IDE: variants seen among roughly 807,000 people sequenced by gnomAD.
IDE encodes the protein insulin-degrading enzyme.
IDE carries 58 observed loss-of-function variants against 133.2 expected under a neutral mutation model. The ratio of observed to expected loss-of-function variants is 0.44; its 90% CI spans 0.35 to 0.54. The LOEUF is 0.54. IDE is among the 20% of genes least tolerant of loss of function. The pLI, the probability that IDE is intolerant of heterozygous loss-of-function variation, is 0.00. For missense variants in IDE, 981 were observed against 1,234.0 expected (o/e 0.79, Z 3.07); for synonymous variants, 396 against 421.3 (o/e 0.94, Z 0.73).
Position 92,516,128 on chromosome 10 carries a change from C to G in IDE, c.662-1086G>C, listed in dbSNP as rs190343449. Reference sequence around the variant, plus strand: ...AAGTTGCGGTGAGCCGAAATCACGCCGAGTCAAGATTGTGCCATTGCACTC... The same window carrying G: ...AAGTTGCGGTGAGCCGAAATCACGCGGAGTCAAGATTGTGCCATTGCACTC... On this transcript the variant is annotated intron_variant, in intron 4 of 24. Transcript: ENST00000265986. Among the ~76,000 whole-genome samples the G allele has an allele frequency of 2.7e-5, 4 of 150,282 alleles. No individual in the cohort carries two copies. In the East Asian group the frequency reaches 8.1e-4, roughly 30 times the overall value.
chr10:92,494,974 T>A (rs1847595773), intron 11 of IDE, among the ~76,000 whole-genome samples: 1 of 152,222 alleles, frequency 6.6e-6, no homozygotes, highest in Admixed American at 6.5e-5. Context: ...ATACTCTGAA[T>A]CACTTTCTTT....
rs1843939014 is a variant in IDE, at chr10:92,574,079, C to G, written c.-60G>C. Reference sequence around the variant, plus strand: ...TTCCTGCTTGCGCTTCGAGCCGGCCCTGCGCACTGCGCATGCTCTAGCCGC... The same window carrying G: ...TTCCTGCTTGCGCTTCGAGCCGGCCGTGCGCACTGCGCATGCTCTAGCCGC... On this transcript the variant is annotated 5_prime_UTR_variant, in exon 1 of 25. Coordinates refer to ENST00000265986, the MANE Select transcript of IDE (RefSeq NM_004969.4). 3.1e-6 allele frequency: 4 copies of G among 1,307,828 alleles called. No individual in the cohort carries two copies. Among genetic ancestry groups the G allele is most frequent in the South Asian group, 1.4e-5 (1 of 73,440 alleles). 81.0% of individuals were successfully genotyped at this position (1,307,828 alleles called of 1,614,324 possible).
rs1322844097 is a variant in IDE at position 92,490,609 on chromosome 10, A to G, written c.1431-14T>C. ...ACTATGGCAACCCTAGAGATAGAAA[A>G]AACAAACAAAAAAACCCTGTAAACT... On this transcript the variant is annotated splice_polypyrimidine_tract_variant and intron_variant, in intron 11 of 24. Coordinates refer to ENST00000265986, the MANE Select transcript of IDE (RefSeq NM_004969.4). 5 of 1,496,382 alleles carry G rather than the reference A, an allele frequency of 3.3e-6. No individual in the cohort carries two copies. In the Admixed American group the frequency reaches 8.7e-5, roughly 26 times the overall value. 92.7% of individuals were successfully genotyped at this position (1,496,382 alleles called of 1,614,324 possible). A position where few individuals can be genotyped will look rare whatever the true frequency, so the allele number is the denominator to read the frequency against.
At chr10:92,458,131 T>C (rs1322686099) in intron 22 of IDE, among the ~76,000 whole-genome samples, 2 of 152,216 alleles carry the variant, frequency 1.3e-5, no homozygotes, top group African/African-American at 4.8e-5. Flanking sequence ...ATCCTCATTT[T>C]TCTAAAAACA....
In IDE at chr10:92,526,347, G is replaced by T. The variant is rs181970007; in HGVS notation, c.661+5401C>A. ...ATGCAACCCCTATCAAAATACCAAT[G>T]ATATTCTTCACAGAAATAGAAAAAA... On this transcript the variant is annotated intron_variant, in intron 4 of 24. Transcript: ENST00000265986. Among the ~76,000 whole-genome samples the T allele has an allele frequency of 3.3e-5, 5 of 151,854 alleles. No individual in the cohort carries two copies. The East Asian group carries it at 7.7e-4, about 24-fold the overall frequency.
intron 19 of IDE, among the ~76,000 whole-genome samples, chr10:92,466,135 G>A (rs2135351174): frequency 6.6e-6 from 1 of 151,674 alleles, no homozygotes; most frequent in South Asian, 2.1e-4. Context: ...GGAGGCTGAG[G>A]CGGGAGGATC....
intron 11 of IDE, among the ~76,000 whole-genome samples, chr10:92,501,265 G>A (rs563853018): frequency 5.1e-4 from 76 of 148,526 alleles, no homozygotes; most frequent in African/African-American, 1.8e-3. Context: ...GGGAGGCTGA[G>A]GCATGAGAAT....
intron 1 of IDE, among the ~76,000 whole-genome samples, chr10:92,545,962 T>A (rs758601025): frequency 1.3e-5 from 2 of 152,166 alleles, no homozygotes; most frequent in African/African-American, 2.4e-5. Flanking sequence ...CATTTATATG[T>A]TCATAGCAAC....
intron 20 of IDE, 110 bp downstream of exon 20, chr10:92,465,566 G>A: frequency 1.1e-6 from 1 of 911,754 alleles, no homozygotes; most frequent in Non-Finnish European, 1.7e-6. Flanking sequence ...GTCTCTCTAA[G>A]TAGACCATGC....
rs955431026 is a variant in IDE, at chr10:92,541,342, G to T, written c.99-3792C>A. ...AATGACTGGGAACTCTTCCTCCTCT[G>T]ATGATGAATTCATCAACAGCTTGCC... On this transcript the variant is annotated intron_variant, in intron 1 of 24. Transcript: ENST00000265986. 5 of 470,530 alleles carry T rather than the reference G, an allele frequency of 1.1e-5. No homozygotes were observed. In the Admixed American group the frequency reaches 1.2e-4, roughly 11 times the overall value. The allele number at this position is 470,530 out of a possible 1,614,324, so 29.1% of individuals were successfully genotyped here.
intron 17 of IDE, 99 bp downstream of exon 17, chr10:92,474,742 C>T: frequency 9.4e-7 from 1 of 1,068,610 alleles, no homozygotes; most frequent in Non-Finnish European, 1.4e-6. Context: ...AATAGAACTA[C>T]AAGTTATTTA....
chr10:92,470,199 G>A, intron 18 of IDE, 55 bp downstream of exon 18: 1 of 1,187,900 alleles, frequency 8.4e-7, no homozygotes, highest in African/African-American at 1.5e-5. Flanking sequence ...AAGACTAGAG[G>A]GAAAAAATAT....
In IDE at chr10:92,453,603, C is replaced by T. The variant is rs2135281679; in HGVS notation, c.*841G>A. 6.6e-6 allele frequency: 1 copy of T among 152,300 alleles called. No individual in the cohort carries two copies. The highest frequency in any genetic ancestry group is 2.1e-4 in the South Asian group (1 of 4,832). The allele number at this position is 152,300 out of a possible 1,614,324, so 9.4% of individuals were successfully genotyped here. ...GCTGATGTTGGAAAAGCATGTCACA[C>T]ACTCAGTAGGATCTGAAGTTGACCC... On this transcript the variant is annotated 3_prime_UTR_variant, in exon 25 of 25. Transcript: ENST00000265986.
In IDE at chr10:92,518,013, C is replaced by G. The variant is rs12257226; in HGVS notation, c.662-2971G>C. Among the ~76,000 whole-genome samples the G allele has an allele frequency of 2.1e-3, 327 of 152,210 alleles. 1 individual carries two copies. The highest frequency in any genetic ancestry group is 7.6e-3 in the African/African-American group (314 of 41,512). On this transcript the variant is annotated intron_variant, in intron 4 of 24. Coordinates refer to ENST00000265986, the MANE Select transcript of IDE (RefSeq NM_004969.4). ...TCCTGAGACATTCTCTATTCTCTCA[C>G]TCTACCTGAGGGGTCCAGATGCTCT...
chr10:92,511,681 T>C (rs1316699203), intron 5 of IDE, among the ~76,000 whole-genome samples: 1 of 129,354 alleles, frequency 7.7e-6, no homozygotes, highest in East Asian at 3.1e-4. Flanking sequence ...AAAATATACC[T>C]ACTTTTGCCT....
chr10:92,561,217 C>A (rs1843266650), intron 1 of IDE, among the ~76,000 whole-genome samples: 1 of 151,852 alleles, frequency 6.6e-6, no homozygotes, highest in African/African-American at 2.4e-5. Flanking sequence ...GATGGCACCA[C>A]TGCACTCCAG....
At chr10:92,505,706 T>G (rs1325903884) in intron 10 of IDE, among the ~76,000 whole-genome samples, 1 of 152,054 alleles carries the variant, frequency 6.6e-6, no homozygotes, top group Admixed American at 6.6e-5. Flanking sequence ...GAACTCTGAG[T>G]GGAGACTGAA....
intron 11 of IDE, among the ~76,000 whole-genome samples, chr10:92,498,510 CTT>C (rs1423518818): frequency 3.9e-5 from 6 of 152,064 alleles, no homozygotes; most frequent in Non-Finnish European, 8.8e-5. Context: ...AATCCCAGCA[CTT>C]TGGGAGGCCG....
chr10:92,538,778 CA>C (rs1554848872), intron 1 of IDE, among the ~76,000 whole-genome samples: 30 of 41,576 alleles, frequency 7.2e-4, no homozygotes, highest in Admixed American at 1.5e-3. Flanking sequence ...GCTTAATAGA[CA>C]AAAAAAAAAA....
Sources: allele counts gnomAD v4.1 joint callset (sites outside exome capture counted in the v4.1 genomes callset), GRCh38; gene constraint gnomAD v4.1.1; transcripts MANE v1.5; gene names NCBI Gene and HGNC (gene_info 2026-07-23, HGNC 2026-07-21).